HEATR5B: variants seen among roughly 807,000 people sequenced by gnomAD.
The protein encoded by HEATR5B is HEAT repeat-containing protein 5B.
In HEATR5B, 156 loss-of-function variants were observed where a neutral mutation model predicts 224.1. The ratio of observed to expected loss-of-function variants is 0.70; its 90% confidence interval spans 0.61 to 0.80. The LOEUF (loss-of-function observed/expected upper bound fraction) is 0.80. Ranked by LOEUF, HEATR5B falls within the 30% of genes least tolerant of loss-of-function variation. The pLI, the probability that HEATR5B is intolerant of heterozygous loss-of-function variation, is 0.00. For synonymous variants in HEATR5B, 1,027 were observed against 893.0 expected (o/e 1.15, Z -2.68); for missense variants, 2,323 against 2,535.5 (o/e 0.92, Z 1.80).
intron 4 of HEATR5B, 91 bp from the exon 5 acceptor site, chr2:37,075,725 G>T: frequency 2.5e-6 from 2 of 800,900 alleles, no homozygotes; most frequent in Non-Finnish European, 3.8e-6. Context: ...TGGGTCTAAT[G>T]GTCTTACCTC....
At chr2:37,022,282 G>A (rs572860347) in intron 24 of HEATR5B, among the ~76,000 whole-genome samples, 2 of 151,956 alleles carry the variant, frequency 1.3e-5, no homozygotes, top group Non-Finnish European at 1.5e-5. Context: ...GGGTTCAAGC[G>A]ATTCTCCTGC....
intron 2 of HEATR5B, among the ~76,000 whole-genome samples, chr2:37,081,734 G>T (rs1672582903): frequency 6.6e-6 from 1 of 152,210 alleles, no homozygotes; most frequent in Non-Finnish European, 1.5e-5. Flanking sequence ...TCCAGGCACA[G>T]TTGCGGTCTG....
chr2:37,038,137 G>C (rs1669625505), intron 20 of HEATR5B, 113 bp from the exon 21 acceptor site: 1 of 754,096 alleles, frequency 1.3e-6, no homozygotes, highest in Admixed American at 3.9e-5. Flanking sequence ...TATTATTCAG[G>C]TTTTTTTTGC....
chr2:37,081,129 G>T lies in HEATR5B; in HGVS notation c.127-1798C>A, dbSNP rs574603868. On this transcript the variant is annotated intron_variant, in intron 2 of 35. Coordinates refer to ENST00000233099, the MANE Select transcript of HEATR5B (RefSeq NM_019024.3). ...TCTGTCATCAGTAATGGCTGGACAAGTGCTGTTTCAGTGGAGTGGAAGTAA... is the reference window on the plus strand; with the variant it reads ...TCTGTCATCAGTAATGGCTGGACAATTGCTGTTTCAGTGGAGTGGAAGTAA... 3.3e-5 allele frequency among the ~76,000 whole-genome samples: 5 copies of T among 152,292 alleles called. No homozygotes were observed. The East Asian group carries it at 9.6e-4, about 29-fold the overall frequency.
At chr2:37,015,611 G>A (rs1321924267) in intron 26 of HEATR5B, among the ~76,000 whole-genome samples, 1 of 152,184 alleles carries the variant, frequency 6.6e-6, no homozygotes, top group Non-Finnish European at 1.5e-5. Context: ...GACTTGAATG[G>A]AAGGAAGGTG....
chr2:37,066,396 T>C (rs1043248491), intron 8 of HEATR5B, among the ~76,000 whole-genome samples: 4 of 152,228 alleles, frequency 2.6e-5, no homozygotes, highest in African/African-American at 9.6e-5. Context: ...ATAATACACA[T>C]TCAATAAATG....
intron 14 of HEATR5B, among the ~76,000 whole-genome samples, chr2:37,057,977 T>C (rs1347691840): frequency 1.3e-5 from 2 of 152,186 alleles, no homozygotes; most frequent in African/African-American, 4.8e-5. Flanking sequence ...TGGAAAGAAA[T>C]CAATAGTTTA....
chr2:37,034,568 C>A (rs1445886477), intron 21 of HEATR5B, among the ~76,000 whole-genome samples: 1 of 140,608 alleles, frequency 7.1e-6, no homozygotes, highest in African/African-American at 2.6e-5. Context: ...AGCCGAGATC[C>A]CGCCACTGCA....
intron 27 of HEATR5B, among the ~76,000 whole-genome samples, chr2:37,013,105 T>C (rs1667894887): frequency 1.3e-5 from 2 of 152,228 alleles, no homozygotes; most frequent in South Asian, 2.1e-4. Flanking sequence ...AAAAGTTTAG[T>C]CTTAGATTAG....
At position 37,020,740 on chromosome 2, in the gene HEATR5B, G is replaced by C. The variant is rs1439511846; in HGVS notation, c.3950C>G (p.Ala1317Gly). ...AAACTTCTTGATAATGTCTTCAAGCGCCTGGAGCCCAGCCATTCGCAGCTG... is the reference window on the plus strand; with the variant it reads ...AAACTTCTTGATAATGTCTTCAAGCCCCTGGAGCCCAGCCATTCGCAGCTG... ...SNQLRMAGLQ[A>G]LEDIIKKFAS... The change falls in exon 25 of 36, where the codon GCG becomes GGG. Residue 1317 changes from alanine to glycine, a missense_variant. By Grantham distance (60) the Ala-to-Gly change is moderately conservative. Transcript: ENST00000233099. 9.3e-6 allele frequency: 15 copies of C among 1,609,838 alleles called. No homozygotes were observed. The highest frequency in any genetic ancestry group is 1.3e-5 in the Non-Finnish European group (15 of 1,179,124).
intron 12 of HEATR5B, 101 bp from the exon 13 acceptor site, chr2:37,059,088 A>G: frequency 1.5e-6 from 1 of 650,640 alleles, no homozygotes; most frequent in East Asian, 2.9e-5. Context: ...ATACTTAATT[A>G]TTATAACGTA....
chr2:37,066,252 T>C lies in HEATR5B; in HGVS notation c.1178-342A>G, dbSNP rs1426271558. 5.3e-5 allele frequency among the ~76,000 whole-genome samples: 8 copies of C among 152,242 alleles called. No homozygotes were observed. The South Asian group carries it at 1.7e-3, about 31-fold the overall frequency. ...CCAATTCCACTAGTTATATTAGTTA[T>C]GTGACATTGAGCAAGATGTTCAATT... On this transcript the variant is annotated intron_variant, in intron 8 of 35. Transcript: ENST00000233099.
intron 5 of HEATR5B, among the ~76,000 whole-genome samples, chr2:37,073,701 A>T (rs147562093): frequency 6.6e-6 from 1 of 152,238 alleles, no homozygotes; most frequent in African/African-American, 2.4e-5. Context: ...AGGGTGGAAG[A>T]CTTAATATTA....
intron 10 of HEATR5B, 150 bp from the exon 11 acceptor site, chr2:37,062,200 G>GT: frequency 1.9e-6 from 1 of 529,354 alleles, no homozygotes; most frequent in Non-Finnish European, 3.4e-6. Context: ...GCTGAGGCAG[G>GT]CAGATTGCCT....
chr2:37,056,387 C>T (rs954359132), intron 16 of HEATR5B, 53 bp downstream of exon 16: 53 of 1,264,876 alleles, frequency 4.2e-5, no homozygotes, highest in Middle Eastern at 2.2e-4. Flanking sequence ...ATCTACTTTT[C>T]GTTTAACATA....
At chr2:37,035,985 A>G (rs894698819) in intron 21 of HEATR5B, among the ~76,000 whole-genome samples, 1 of 152,160 alleles carries the variant, frequency 6.6e-6, no homozygotes, top group African/African-American at 2.4e-5. Context: ...CTCTTCTCCA[A>G]CTATGCCCCA....
At chr2:37,075,809 A>G in intron 4 of HEATR5B, 175 bp from the exon 5 acceptor site, 1 of 435,364 alleles carries the variant, frequency 2.3e-6, no homozygotes, top group South Asian at 5.6e-5. Flanking sequence ...AAGTAAGAAT[A>G]GTCAATTAAA....
At chr2:37,033,475 A>C (rs1669268550) in intron 21 of HEATR5B, among the ~76,000 whole-genome samples, 1 of 152,172 alleles carries the variant, frequency 6.6e-6, no homozygotes, top group Non-Finnish European at 1.5e-5. Context: ...GTGAATGAAA[A>C]GTTAGGGGGC....
chr2:37,053,831 A>C (rs946449296), intron 16 of HEATR5B, among the ~76,000 whole-genome samples: 13 of 152,026 alleles, frequency 8.6e-5, no homozygotes, highest in Non-Finnish European at 1.6e-4. Context: ...CAATTAACAA[A>C]ATAAGGTCAC....
Sources: gnomAD v4.1 joint callset for allele counts (sites outside exome capture counted in the v4.1 genomes callset) on GRCh38, gnomAD v4.1.1 for gene constraint, MANE v1.5 for transcripts, NCBI Gene and HGNC (gene_info 2026-07-23, HGNC 2026-07-21) for gene names.